Variants in INPP4B observed in about 807,000 individuals in gnomAD.
INPP4B encodes inositol polyphosphate 4-phosphatase type II.
In INPP4B, 55 loss-of-function variants were observed where a neutral mutation model predicts 122.5. The observed-to-expected ratio is 0.45, with a 90% confidence interval of 0.36 to 0.56. The LOEUF (loss-of-function observed/expected upper bound fraction) is 0.56. INPP4B is among the 20% of genes least tolerant of loss of function. The pLI is 0.00. For synonymous variants in INPP4B, 403 were observed against 388.7 expected (o/e 1.04, Z -0.43); for missense variants, 1,000 against 1,097.7 (o/e 0.91, Z 1.26).
intron 23 of INPP4B, among the ~76,000 whole-genome samples, chr4:142,098,565 T>C (rs1439733595): frequency 6.6e-6 from 1 of 152,054 alleles, no homozygotes; most frequent in Non-Finnish European, 1.5e-5. Context: ...GTAGTAGCAA[T>C]GCAGGTGGTG....
rs187896784 is a variant in INPP4B at position 142,276,106 on chromosome 4, C to T, written c.504-5332G>A. On this transcript the variant is annotated intron_variant, in intron 9 of 25. Coordinates refer to ENST00000262992, the MANE Select transcript of INPP4B (RefSeq NM_001101669.3). The stretch of plus-strand genomic sequence containing the variant: ...CAGTCACTAAGTCCTACCAATTCTT[C>T]CTCCATAATGTCTATTTCATGTGTC... Among the ~76,000 whole-genome samples the T allele has an allele frequency of 6.5e-4, 98 of 151,908 alleles. 1 individual carries two copies. Among genetic ancestry groups the T allele is most frequent in the Middle Eastern group, 3.4e-3 (1 of 294 alleles).
At chr4:142,611,217 T>C (rs1337625397) in intron 2 of INPP4B, among the ~76,000 whole-genome samples, 1 of 152,114 alleles carries the variant, frequency 6.6e-6, no homozygotes, top group African/African-American at 2.4e-5. Context: ...TTGCAAGAAC[T>C]GACTTACTCT....
intron 7 of INPP4B, among the ~76,000 whole-genome samples, chr4:142,351,744 C>T (rs1259084805): frequency 6.6e-6 from 1 of 151,882 alleles, no homozygotes; most frequent in African/African-American, 2.4e-5. Flanking sequence ...TTGTACAAAG[C>T]CCCAGCTTAA....
intron 5 of INPP4B, among the ~76,000 whole-genome samples, chr4:142,406,968 C>T (rs1803533641): frequency 6.6e-6 from 1 of 152,134 alleles, no homozygotes; most frequent in Admixed American, 6.5e-5. Context: ...TGCCCTCCTG[C>T]ACAATGGCAC....
intron 1 of INPP4B, among the ~76,000 whole-genome samples, chr4:142,806,303 AAG>A: frequency 6.8e-6 from 1 of 146,082 alleles, no homozygotes; most frequent in East Asian, 2.0e-4. Flanking sequence ...AAAAAAAAAA[AAG>A]AGGAAAAAAG....
At chr4:142,571,097 A>G (rs1732712644) in intron 2 of INPP4B, among the ~76,000 whole-genome samples, 1 of 150,950 alleles carries the variant, frequency 6.6e-6, no homozygotes. Context: ...CTCAAAAAAA[A>G]AAAAAAAAAA....
rs1432178553 is a variant in INPP4B, at chr4:142,023,450, C to CAA, written c.*5330_*5331dup. On this transcript the variant is annotated 3_prime_UTR_variant, in exon 26 of 26. Coordinates refer to ENST00000262992, the MANE Select transcript of INPP4B (RefSeq NM_001101669.3). Reference sequence around the variant, plus strand: ...TATCCACACGAGAAGTATGTGTATACAAAGTATTGTATGTATGCAGTGAAA... The same window carrying CAA: ...TATCCACACGAGAAGTATGTGTATACAAAAAGTATTGTATGTATGCAGTGAAA... 1.3e-5 allele frequency: 2 copies of CAA among 152,006 alleles called. No homozygotes were observed. The highest frequency in any genetic ancestry group is 6.6e-5 in the Admixed American group (1 of 15,238). 9.4% of individuals were successfully genotyped at this position (152,006 alleles called of 1,614,324 possible).
chr4:142,685,202 A>G (rs959654855), intron 2 of INPP4B, among the ~76,000 whole-genome samples: 3 of 152,054 alleles, frequency 2.0e-5, no homozygotes, highest in African/African-American at 7.2e-5. Flanking sequence ...GCAGAAGCTG[A>G]CTTCTGCCAA....
chr4:142,265,804 T>C (rs1742463719), intron 10 of INPP4B, among the ~76,000 whole-genome samples: 1 of 152,170 alleles, frequency 6.6e-6, no homozygotes, highest in Admixed American at 6.5e-5. Context: ...AACAGCTCAG[T>C]TAAGTCTTTT....
At chr4:142,341,279 G>T (rs1778612135) in intron 7 of INPP4B, among the ~76,000 whole-genome samples, 1 of 151,552 alleles carries the variant, frequency 6.6e-6, no homozygotes, top group African/African-American at 2.4e-5. Context: ...TATTTTAAGG[G>T]GTAAATTAGA....
At chr4:142,170,473 T>C (rs937617464) in intron 16 of INPP4B, among the ~76,000 whole-genome samples, 1 of 151,894 alleles carries the variant, frequency 6.6e-6, no homozygotes, top group South Asian at 2.1e-4. Flanking sequence ...CACAGTATAC[T>C]GGTCAGGCTC....
intron 1 of INPP4B, among the ~76,000 whole-genome samples, chr4:142,745,760 T>C (rs753803416): frequency 6.6e-6 from 1 of 151,892 alleles, no homozygotes; most frequent in Middle Eastern, 3.2e-3. Flanking sequence ...ACAGGAATCA[T>C]AAGAAAGCTG....
chr4:142,316,131 G>A (rs1023483880), intron 7 of INPP4B, among the ~76,000 whole-genome samples: 8 of 151,988 alleles, frequency 5.3e-5, no homozygotes, highest in Admixed American at 6.6e-5. Context: ...CAGCACTATC[G>A]CTTGCACAAT....
chr4:142,097,857 C>T (rs1578888516), intron 23 of INPP4B, among the ~76,000 whole-genome samples: 1 of 152,262 alleles, frequency 6.6e-6, no homozygotes, highest in South Asian at 2.1e-4. Flanking sequence ...TTTAAAACAA[C>T]CAACTAAATG....
intron 25 of INPP4B, among the ~76,000 whole-genome samples, chr4:142,049,386 A>G (rs2645800): frequency 0.86 from 130,539 of 152,012 alleles, 58,736 homozygotes; most frequent in Non-Finnish European, 0.98. Flanking sequence ...GTCTGGTTTT[A>G]TGTTTGTATA....
chr4:142,697,527 T>C (rs1761187140), intron 2 of INPP4B, among the ~76,000 whole-genome samples: 1 of 152,224 alleles, frequency 6.6e-6, no homozygotes, highest in African/African-American at 2.4e-5. Context: ...TACATAAAAC[T>C]GTCAATCAAT....
At chr4:142,793,973 A>G (rs921505474) in intron 1 of INPP4B, among the ~76,000 whole-genome samples, 1 of 152,092 alleles carries the variant, frequency 6.6e-6, no homozygotes, top group African/African-American at 2.4e-5. Context: ...TATAGATGTC[A>G]GTTCTACTCA....
intron 23 of INPP4B, among the ~76,000 whole-genome samples, chr4:142,106,764 TCA>T (rs1304960317): frequency 6.6e-6 from 1 of 152,124 alleles, no homozygotes; most frequent in African/African-American, 2.4e-5. Context: ...TTTAGTAGAT[TCA>T]CAGTGTGGCC....
chr4:142,762,925 C>T (rs1771557383), intron 1 of INPP4B, among the ~76,000 whole-genome samples: 1 of 152,132 alleles, frequency 6.6e-6, no homozygotes, highest in Non-Finnish European at 1.5e-5. Context: ...TGTGAGGGAG[C>T]TGTCCATTCT....
Sources: gnomAD v4.1 joint callset for allele counts (sites outside exome capture counted in the v4.1 genomes callset) on GRCh38, gnomAD v4.1.1 for gene constraint, MANE v1.5 for transcripts, NCBI Gene and HGNC (gene_info 2026-07-23, HGNC 2026-07-21) for gene names.